The following CNGA4 variants were observed in gnomAD, a reference collection of about 807,000 sequenced individuals.
The protein encoded by CNGA4 is cyclic nucleotide gated channel subunit alpha 4, also known as cyclic nucleotide-gated channel alpha-4.
A neutral mutation model predicts 45.6 loss-of-function variants in CNGA4; 32 were observed. The observed-to-expected ratio is 0.70, with a 90% CI of 0.53 to 0.94. The LOEUF (loss-of-function observed/expected upper bound fraction) is 0.94. CNGA4 is among the 40% of genes least tolerant of loss of function. CNGA4 has a pLI of 0.00. For missense variants in CNGA4, 726 were observed against 755.1 expected (o/e 0.96, Z 0.45); for synonymous variants, 293 against 304.6 (o/e 0.96, Z 0.40).
At chr11:6,244,945 G>T (rs1847972439), downstream of CNGA4, among the ~76,000 whole-genome samples, 1 of 152,162 alleles carries the variant, frequency 6.6e-6, no homozygotes, top group South Asian at 2.1e-4. This position sits in a 1 kb window ranked among gnomAD's most constrained non-coding sequence, Gnocchi z 4.5. Context: ...CCTGAAAGTT[G>T]CACTTCAATA....
At chr11:6,241,314 C>T (rs988421993) in intron 4 of CNGA4, 117 bp from the exon 5 acceptor site, 5 of 790,076 alleles carry the variant, frequency 6.3e-6, no homozygotes, top group Non-Finnish European at 1.0e-5. Flanking sequence ...TCCCATGACC[C>T]CTGTTAGATC....
chr11:6,242,050 G>C, intron 5 of CNGA4: 1 of 529,976 alleles, frequency 1.9e-6, no homozygotes, highest in Non-Finnish European at 3.3e-6. Flanking sequence ...AGCACCAATA[G>C]ACTAGTGGAC....
Position 6,240,760 on chromosome 11 carries a change from G to C in CNGA4, c.917+49G>C, listed in dbSNP as rs1052822086. On this transcript the variant is annotated intron_variant, in intron 4 of 5. Transcript: ENST00000379936. The surrounding 1 kb of genome is among the most constrained non-coding windows in gnomAD (Gnocchi z 4.9). The stretch of plus-strand genomic sequence containing the variant: ...AGGACAGGGACCAGTGTAGGTGATG[G>C]AACCTGAGGGAGGTAACTGGGTCCT... 6 of 1,571,486 alleles carry C rather than the reference G, an allele frequency of 3.8e-6. No individual in the cohort carries two copies. Among genetic ancestry groups the C allele is most frequent in the Non-Finnish European group, 5.2e-6 (6 of 1,155,154 alleles).
At chr11:6,237,454 C>T (rs545770303), upstream of CNGA4, among the ~76,000 whole-genome samples, 73 of 151,496 alleles carry the variant, frequency 4.8e-4, no homozygotes, top group Middle Eastern at 6.8e-3. Flanking sequence ...GGAGAGTTCT[C>T]GGGAGCCACT....
At position 6,240,063 on chromosome 11, in the gene CNGA4, C is replaced by G; in HGVS notation, c.272-3C>G. The G allele has an allele frequency of 6.2e-7, 1 of 1,601,776 alleles. No individual in the cohort carries two copies. The highest frequency in any genetic ancestry group is 8.5e-7 in the Non-Finnish European group (1 of 1,173,358). On this transcript the variant is annotated splice_region_variant and splice_polypyrimidine_tract_variant and intron_variant, in intron 3 of 5. Transcript: ENST00000379936. This position sits in a 1 kb window ranked among gnomAD's most constrained non-coding sequence, Gnocchi z 4.9. ...CCGCTTCCTACCGGCTCCCTCTCCC[C>G]AGGATTCTTGGAACAGGGCATCCTG...
In CNGA4 at chr11:6,239,559, C is replaced by A. The variant is rs951734834; in HGVS notation, c.164+74C>A. The A allele has an allele frequency of 1.3e-5, 20 of 1,570,094 alleles. No individual in the cohort carries two copies. In the Admixed American group the frequency reaches 3.2e-4, roughly 25 times the overall value. On this transcript the variant is annotated intron_variant, in intron 2 of 5. Coordinates refer to ENST00000379936, the MANE Select transcript of CNGA4 (RefSeq NM_001037329.4). ...AAGAGAGGTCAAGGAGAAGGGCAGA[C>A]CCTTGGTGGGGCAGGAGGAGCAATT...
At chr11:6,239,638 C>T (rs370908460) in intron 2 of CNGA4, 46 bp from the exon 3 acceptor site, 9 of 1,597,728 alleles carry the variant, frequency 5.6e-6, no homozygotes, top group South Asian at 2.2e-5. Context: ...ACGCCTCGCA[C>T]ACAGAGGGTG....
chr11:6,240,954 A>T lies in CNGA4; in HGVS notation c.917+243A>T, dbSNP rs867140046. ...GAGCTCATACTCAAAAAAGGATAAT[A>T]TGGAGACCAGGGAATGGGAAGTGCC... On this transcript the variant is annotated intron_variant, in intron 4 of 5. Coordinates refer to ENST00000379936, the MANE Select transcript of CNGA4 (RefSeq NM_001037329.4). This position sits in a 1 kb window ranked among gnomAD's most constrained non-coding sequence, Gnocchi z 4.9. Among the ~76,000 whole-genome samples, 6 of 152,246 alleles carry T rather than the reference A, an allele frequency of 3.9e-5. No individual in the cohort carries two copies. The East Asian group carries it at 7.7e-4, about 20-fold the overall frequency.
chr11:6,237,864 G>A (rs770139478), upstream of CNGA4, among the ~76,000 whole-genome samples: 6 of 152,142 alleles, frequency 3.9e-5, no homozygotes, highest in Non-Finnish European at 7.3e-5. Context: ...CTCTATTGCC[G>A]TTGGGTAAAA....
At chr11:6,235,419 C>A, upstream of CNGA4, 1 of 944,876 alleles carries the variant, frequency 1.1e-6, no homozygotes, top group Non-Finnish European at 1.3e-6. Flanking sequence ...CTCTCCAGGA[C>A]CTCAGAGAAT....
In CNGA4 at chr11:6,240,713, T is replaced by C. The variant is rs758884971; in HGVS notation, c.917+2T>C. 1.9e-6 allele frequency: 3 copies of C among 1,610,592 alleles called. No individual in the cohort carries two copies. The highest frequency in any genetic ancestry group is 2.5e-6 in the Non-Finnish European group (3 of 1,177,598). ...GCTGGAGCGGCGAGTTATTGACTGGTGAGAAGGCGGGGTTCCAGACCAGGA... is the reference window on the plus strand; with the variant it reads ...GCTGGAGCGGCGAGTTATTGACTGGCGAGAAGGCGGGGTTCCAGACCAGGA... On this transcript the variant is annotated splice_donor_variant, in intron 4 of 5. Transcript: ENST00000379936. LOFTEE classifies it high-confidence loss of function. The surrounding 1 kb of genome is among the most constrained non-coding windows in gnomAD (Gnocchi z 4.9).
chr11:6,240,272 C>T lies in CNGA4; in HGVS notation c.478C>T (p.Arg160Cys), dbSNP rs200442057. 55 of 1,614,216 alleles carry T rather than the reference C, an allele frequency of 3.4e-5. No individual in the cohort carries two copies. The East Asian group carries it at 8.9e-4, about 26-fold the overall frequency. Residue 160 changes from arginine to cysteine, a missense_variant, in exon 4 of 6, where the codon CGC (arginine) becomes TGC (cysteine). Transcript: ENST00000379936. This position sits in a 1 kb window ranked among gnomAD's most constrained non-coding sequence, Gnocchi z 4.9. ...CGAGGCCTTCGACCGCACAGAGACC[C>T]GCACAGCTTACCCAAATGCCTTTCG... ...LFEAFDRTETRTAYPNAFRIA... is the reference protein window; with the variant it reads ...LFEAFDRTETCTAYPNAFRIA...
At position 6,240,411 on chromosome 11, in the gene CNGA4, C is replaced by T; in HGVS notation, c.617C>T (p.Pro206Leu). 6.2e-7 allele frequency: 1 copy of T among 1,614,244 alleles called. No individual in the cohort carries two copies. The highest frequency in any genetic ancestry group is 8.5e-7 in the Non-Finnish European group (1 of 1,180,044). The change falls in exon 4 of 6, where the codon CCC becomes CTC. Residue 206 changes from proline to leucine, a missense_variant. Pro to Leu is a moderately conservative substitution (Grantham distance 98). Coordinates refer to ENST00000379936, the MANE Select transcript of CNGA4 (RefSeq NM_001037329.4). This position sits in a 1 kb window ranked among gnomAD's most constrained non-coding sequence, Gnocchi z 4.9. ...FGRDAWVYPD[P>L]AQPGFERLRR... Reference sequence around the variant, plus strand: ...CGTGACGCATGGGTGTACCCGGACCCCGCGCAGCCTGGCTTTGAGCGCCTG... The same window carrying T: ...CGTGACGCATGGGTGTACCCGGACCTCGCGCAGCCTGGCTTTGAGCGCCTG...
At chr11:6,238,989 C>G (rs577799363), upstream of CNGA4, 74 of 1,397,104 alleles carry the variant, frequency 5.3e-5, no homozygotes, top group African/African-American at 9.7e-4. Context: ...AGCCCAGGCC[C>G]TGGGAGACAG....
chr11:6,237,220 G>T (rs1296054821), upstream of CNGA4, among the ~76,000 whole-genome samples: 1 of 152,146 alleles, frequency 6.6e-6, no homozygotes, highest in Non-Finnish European at 1.5e-5. Context: ...TGGTGTCGAA[G>T]AATTTGTGAC....
chr11:6,241,064 T>G (rs1476741448), intron 4 of CNGA4, among the ~76,000 whole-genome samples: 1 of 152,200 alleles, frequency 6.6e-6, no homozygotes, highest in East Asian at 1.9e-4. Context: ...ACAAGATCAT[T>G]GGCTACCTAT....
intron 1 of CNGA4, 39 bp from the exon 2 acceptor site, chr11:6,239,345 G>C (rs201804648): frequency 5.0e-6 from 8 of 1,612,892 alleles, no homozygotes; most frequent in Non-Finnish European, 6.8e-6. Flanking sequence ...AGCTTTGAAT[G>C]CCTGGTGAAT....
At chr11:6,235,342 G>A (rs980562936), upstream of CNGA4, among the ~76,000 whole-genome samples, 1 of 152,192 alleles carries the variant, frequency 6.6e-6, no homozygotes, top group Non-Finnish European at 1.5e-5. Flanking sequence ...TGAGCACTTA[G>A]TCAAGGAACA....
chr11:6,239,294 G>C (rs1173100481), intron 1 of CNGA4, 26 bp downstream of exon 1: 1 of 1,613,532 alleles, frequency 6.2e-7, no homozygotes, highest in Non-Finnish European at 8.5e-7. Flanking sequence ...CCCTTGTGTG[G>C]GATCTCTCCT....
Sources: allele counts gnomAD v4.1 joint callset (sites outside exome capture counted in the v4.1 genomes callset), GRCh38; gene constraint gnomAD v4.1.1; non-coding constraint Gnocchi (gnomAD v3.1); transcripts MANE v1.5; gene names NCBI Gene and HGNC (gene_info 2026-07-23, HGNC 2026-07-21).